Variants in STS observed in about 807,000 individuals in gnomAD.
STS encodes the protein steroid sulfatase.
STS carries 7 observed loss-of-function variants against 26.8 expected under a neutral mutation model. The observed-to-expected ratio is 0.26, with a 90% CI of 0.15 to 0.49. The LOEUF (loss-of-function observed/expected upper bound fraction) is 0.49. Ranked by LOEUF, STS falls within the 20% of genes least tolerant of loss-of-function variation. The pLI, the probability that STS is intolerant of heterozygous loss-of-function variation, is 0.98. For missense variants in STS, 434 were observed against 465.6 expected (o/e 0.93, Z 0.63); for synonymous variants, 199 against 189.4 (o/e 1.05, Z -0.42).
At chrX:7,318,325 C>A (rs1040025091) in intron 8 of STS, among the ~76,000 whole-genome samples, 2 of 110,814 alleles carry the variant, frequency 1.8e-5, no homozygotes, top group Non-Finnish European at 3.8e-5. Context: ...ACACATTTGG[C>A]GCATCTCGCT....
chrX:7,205,668 T>C (rs1446194503), intron 2 of STS, among the ~76,000 whole-genome samples: 2 of 104,614 alleles, frequency 1.9e-5, no homozygotes, highest in East Asian at 5.9e-4. Context: ...AGACAGTTTC[T>C]TGCTCTGTTG....
chrX:7,263,062 A>G (rs937693385), intron 6 of STS, among the ~76,000 whole-genome samples: 2 of 112,064 alleles, frequency 1.8e-5, no homozygotes, highest in African/African-American at 6.5e-5. Context: ...ATGCAGCTGT[A>G]CGTTTGTATC....
chrX:7,180,831 G>C (rs1051173768), intron 1 of STS, among the ~76,000 whole-genome samples: 1 of 112,209 alleles, frequency 8.9e-6, no homozygotes, highest in Non-Finnish European at 1.9e-5. Flanking sequence ...AAGTAATTAT[G>C]AATTTGCCTC....
At chrX:7,202,131 C>G (rs1435877244) in intron 2 of STS, among the ~76,000 whole-genome samples, 1 of 111,426 alleles carries the variant, frequency 9.0e-6, no homozygotes, top group Non-Finnish European at 1.9e-5. Flanking sequence ...TATTTAGTAT[C>G]AAGATAAAAC....
intron 2 of STS, among the ~76,000 whole-genome samples, chrX:7,208,538 G>C (rs1920967237): frequency 1.8e-5 from 2 of 111,937 alleles, no homozygotes; most frequent in Non-Finnish European, 3.8e-5. Flanking sequence ...AAAAACTGCT[G>C]TTTTTCAGCA....
intron 10 of STS, among the ~76,000 whole-genome samples, chrX:7,342,491 T>A (rs1276821223): frequency 4.4e-5 from 5 of 112,450 alleles, no homozygotes; most frequent in Non-Finnish European, 7.5e-5. Flanking sequence ...TATTTTGTCC[T>A]CAAATACTCA....
chrX:7,165,249 A>G (rs1332865748), intron 1 of STS, among the ~76,000 whole-genome samples: 2 of 108,521 alleles, frequency 1.8e-5, no homozygotes, highest in African/African-American at 3.4e-5. Context: ...GCCAATATCT[A>G]CCTTCCAGCT....
At chrX:7,334,873 C>T (rs1927937264) in intron 10 of STS, among the ~76,000 whole-genome samples, 1 of 112,333 alleles carries the variant, frequency 8.9e-6, no homozygotes. Context: ...TTTTCTAATA[C>T]TTGTTTTATA....
intron 6 of STS, among the ~76,000 whole-genome samples, chrX:7,268,121 T>C (rs1003038449): frequency 9.0e-6 from 1 of 111,200 alleles, no homozygotes; most frequent in East Asian, 2.8e-4. Context: ...GGGAAACACC[T>C]ACATGAAAAG....
intron 7 of STS, among the ~76,000 whole-genome samples, chrX:7,285,551 ACTC>A (rs1925088720): frequency 9.0e-6 from 1 of 111,640 alleles, no homozygotes; most frequent in Non-Finnish European, 1.9e-5. Flanking sequence ...TAAAAAGAAA[ACTC>A]CTGAGATATA....
intron 2 of STS, among the ~76,000 whole-genome samples, chrX:7,246,457 A>G (rs1485225799): frequency 1.4e-5 from 1 of 72,094 alleles, no homozygotes; most frequent in Non-Finnish European, 2.7e-5. Flanking sequence ...ACCCGCCACC[A>G]CACCCGGCTA....
intron 9 of STS, among the ~76,000 whole-genome samples, chrX:7,328,555 A>AG (rs1555967825): frequency 4.8e-4 from 42 of 87,214 alleles, no homozygotes; most frequent in African/African-American, 1.8e-3. Context: ...TGCTGACCTC[A>AG]TTTTTTTTTT....
At chrX:7,197,358 A>G (rs1200528035) in intron 2 of STS, among the ~76,000 whole-genome samples, 1 of 111,711 alleles carries the variant, frequency 9.0e-6, no homozygotes, top group Non-Finnish European at 1.9e-5. Context: ...GCCAGACCCC[A>G]AGACAGGGTT....
intron 1 of STS, among the ~76,000 whole-genome samples, chrX:7,178,697 A>G (rs1433010738): frequency 8.9e-6 from 1 of 112,700 alleles, no homozygotes; most frequent in African/African-American, 3.2e-5. Flanking sequence ...TTCTCCTGAA[A>G]GTGATAACTA....
intron 7 of STS, among the ~76,000 whole-genome samples, chrX:7,296,570 C>T (rs759394012): frequency 7.1e-5 from 8 of 111,982 alleles, no homozygotes; most frequent in Non-Finnish European, 1.3e-4. Flanking sequence ...TCCCAGACAC[C>T]GGAAGGAGTA....
Position 7,350,546 on chromosome X carries a change from G to T in STS, c.*285G>T. On this transcript the variant is annotated 3_prime_UTR_variant, in exon 11 of 11. Coordinates refer to ENST00000674429, the MANE Select transcript of STS (RefSeq NM_001320752.2). ...AGAATGAATAGAGGGGCATTCACAA[G>T]GCACACCAGTGCAAGCAGATGACAA... 2 of 352,311 alleles carry T rather than the reference G, an allele frequency of 5.7e-6. No homozygotes were observed. The highest frequency in any genetic ancestry group is 1.2e-4 in the South Asian group (2 of 17,224). 29.0% of individuals were successfully genotyped at this position (352,311 alleles called of 1,213,427 possible).
intron 2 of STS, among the ~76,000 whole-genome samples, chrX:7,205,922 A>G (rs1246640266): frequency 9.2e-6 from 1 of 108,630 alleles, no homozygotes; most frequent in African/African-American, 3.4e-5. Flanking sequence ...GGTGGAAATC[A>G]TTTTTCCTCT....
rs755370232 is a variant in STS, at chrX:7,334,023, G to C, written c.1279G>C (p.Gly427Arg). ...ACGTGATCTGATGCCCCTGCTTGAA[G>C]GAAAAAGCCAACGCTCCGATCATGA... ...DGRDLMPLLE[G>R]KSQRSDHEFL... The change falls in exon 10 of 11, where the codon GGA (glycine) becomes CGA (arginine). Residue 427 changes from glycine (G) to arginine (R), a missense_variant. Gly to Arg is a moderately radical substitution (Grantham distance 125, BLOSUM62 -2). This residue lies in a region of STS where 205 missense variants were observed against 177.3 expected (regional missense o/e 1.16). Coordinates refer to ENST00000674429, the MANE Select transcript of STS (RefSeq NM_001320752.2). The C allele has an allele frequency of 1.7e-6, 2 of 1,209,612 alleles. No homozygotes were observed. The highest frequency in any genetic ancestry group is 3.5e-5 in the South Asian group (2 of 56,739).
intron 10 of STS, among the ~76,000 whole-genome samples, chrX:7,337,742 C>T (rs12009952): frequency 1.2e-4 from 14 of 112,111 alleles, no homozygotes; most frequent in African/African-American, 3.9e-4. Context: ...GTTTACACCA[C>T]GGCAATTGGC....
Sources: gnomAD v4.1 joint callset for allele counts (sites outside exome capture counted in the v4.1 genomes callset) on GRCh38, gnomAD v4.1.1 for gene constraint, gnomAD v4.1.1 regional missense constraint, MANE v1.5 for transcripts, NCBI Gene and HGNC (gene_info 2026-07-23, HGNC 2026-07-21) for gene names.